Variants in FIGN observed in about 807,000 individuals in gnomAD.
FIGN encodes the protein fidgetin, microtubule severing factor, also known as fidgetin.
A neutral mutation model predicts 51.3 loss-of-function variants in FIGN; 11 were observed. That is an observed-to-expected ratio of 0.21 (90% CI 0.13 to 0.35). FIGN has a LOEUF of 0.35. Ranked by LOEUF, FIGN falls within the 10% of genes least tolerant of loss-of-function variation. FIGN has a pLI of 1.00. For synonymous variants in FIGN, 407 were observed against 363.2 expected, an observed-to-expected ratio of 1.12 and a Z score of -1.37; for missense variants, 857 against 943.6, an observed-to-expected ratio of 0.91 and a Z score of 1.20.
Position 163,610,807 on chromosome 2 carries a change from C to T in FIGN, c.1025G>A (p.Arg342Lys). The T allele has an allele frequency of 6.2e-7, 1 of 1,614,072 alleles. No homozygotes were observed. The highest frequency in any genetic ancestry group is 1.3e-5 in the African/African-American group (1 of 75,014). ...SYGNYSYGQQ[R>K]STQSPMYRMP... ...TCTGTACATAGGACTCTGTGTAGAT[C>T]TCTGTTGGCCATAGCTGTAATTTCC... The change falls in exon 3 of 3, where the codon AGA becomes AAA. Residue 342 changes from arginine (R) to lysine (K), a missense_variant. Physicochemically the swap from Arg to Lys is conservative, Grantham distance 26. Transcript: ENST00000333129.
At chr2:163,723,676 A>G (rs1684795261) in intron 2 of FIGN, among the ~76,000 whole-genome samples, 1 of 152,202 alleles carries the variant, frequency 6.6e-6, no homozygotes, top group Non-Finnish European at 1.5e-5. Flanking sequence ...TCAGTTTGAT[A>G]AAAGTCCACC....
intron 2 of FIGN, among the ~76,000 whole-genome samples, chr2:163,727,158 A>G (rs1684850688): frequency 6.6e-6 from 1 of 152,106 alleles, no homozygotes; most frequent in African/African-American, 2.4e-5. Context: ...TTGGCACAAC[A>G]ATATACTATA....
chr2:163,673,336 T>A (rs1224552812), intron 2 of FIGN, among the ~76,000 whole-genome samples: 2 of 152,144 alleles, frequency 1.3e-5, no homozygotes, highest in Admixed American at 1.3e-4. Context: ...TGTAGTAAGT[T>A]GAATCTGACA....
chr2:163,724,888 A>G (rs577356195), intron 2 of FIGN, among the ~76,000 whole-genome samples: 28 of 152,310 alleles, frequency 1.8e-4, no homozygotes, highest in African/African-American at 6.0e-4. Flanking sequence ...ATAGTGCTAC[A>G]TGCTATTTAC....
In FIGN at chr2:163,610,250, G is replaced by A. The variant is rs768982332; in HGVS notation, c.1582C>T (p.Arg528Trp). 10 of 1,613,930 alleles carry A rather than the reference G, an allele frequency of 6.2e-6. No homozygotes were observed. The highest frequency in any genetic ancestry group is 1.6e-4 in the Middle Eastern group (1 of 6,084). Residue 528 changes from arginine to tryptophan, a missense_variant, in exon 3 of 3, where the codon CGG becomes TGG. Arg to Trp is a moderately radical substitution (Grantham distance 101, BLOSUM62 -3). Transcript: ENST00000333129. The stretch of plus-strand genomic sequence containing the variant: ...CCCAATAATGTTTTGCCTGTCCCCC[G>A]AGGTCCAAATAAAAGGATGCTCCGA... ...LPRSILLFGP[R>W]GTGKTLLGRC...
chr2:163,717,783 A>C (rs1368726317), intron 2 of FIGN, among the ~76,000 whole-genome samples: 2 of 152,166 alleles, frequency 1.3e-5, no homozygotes, highest in Non-Finnish European at 2.9e-5. Context: ...TGTAATTTTT[A>C]ATGAACACTG....
intron 2 of FIGN, among the ~76,000 whole-genome samples, chr2:163,619,641 G>C (rs1312455737): frequency 6.6e-6 from 1 of 152,090 alleles, no homozygotes; most frequent in Non-Finnish European, 1.5e-5. Flanking sequence ...AAAATGGCTT[G>C]CATTTATGAG....
intron 2 of FIGN, among the ~76,000 whole-genome samples, chr2:163,654,741 G>C (rs1240437497): frequency 6.6e-6 from 1 of 151,986 alleles, no homozygotes; most frequent in African/African-American, 2.4e-5. Flanking sequence ...CACAAAGAAA[G>C]GATAATACTA....
chr2:163,627,337 A>G (rs913551710), intron 2 of FIGN, among the ~76,000 whole-genome samples: 1 of 152,154 alleles, frequency 6.6e-6, no homozygotes, highest in African/African-American at 2.4e-5. Flanking sequence ...CTTAATTTGC[A>G]GTTTTAATTT....
intron 2 of FIGN, among the ~76,000 whole-genome samples, chr2:163,629,555 A>T (rs1683111102): frequency 6.6e-6 from 1 of 152,138 alleles, no homozygotes; most frequent in African/African-American, 2.4e-5. Flanking sequence ...GGAAAATCTG[A>T]TCATTATCCA....
intron 2 of FIGN, among the ~76,000 whole-genome samples, chr2:163,647,418 A>G (rs959470850): frequency 1.3e-5 from 2 of 152,208 alleles, no homozygotes; most frequent in Non-Finnish European, 2.9e-5. Context: ...TCATAAAATG[A>G]CAAAAGCAGG....
At chr2:163,645,661 G>C (rs984115511) in intron 2 of FIGN, among the ~76,000 whole-genome samples, 2 of 152,160 alleles carry the variant, frequency 1.3e-5, no homozygotes, top group African/African-American at 4.8e-5. Flanking sequence ...ATGTTTGCAG[G>C]CAAGGGCTTA....
chr2:163,618,589 T>A (rs542471913), intron 2 of FIGN, among the ~76,000 whole-genome samples: 1 of 152,174 alleles, frequency 6.6e-6, no homozygotes, highest in Non-Finnish European at 1.5e-5. Context: ...CACTCGACTT[T>A]ATGTTTTAAA....
intron 2 of FIGN, among the ~76,000 whole-genome samples, chr2:163,712,465 C>T (rs1005256445): frequency 5.3e-5 from 8 of 152,192 alleles, no homozygotes; most frequent in Non-Finnish European, 8.8e-5. Context: ...ATCAATTACT[C>T]TCATTTTCTA....
At chr2:163,670,952 T>G (rs1683865779) in intron 2 of FIGN, among the ~76,000 whole-genome samples, 1 of 152,208 alleles carries the variant, frequency 6.6e-6, no homozygotes, top group Non-Finnish European at 1.5e-5. Flanking sequence ...AAGAATACTG[T>G]TGGTTTGTTT....
chr2:163,723,983 A>G lies in FIGN; in HGVS notation c.25+10920T>C, dbSNP rs533616731. Among the ~76,000 whole-genome samples the G allele has an allele frequency of 1.2e-4, 19 of 152,302 alleles. No individual in the cohort carries two copies. The East Asian group carries it at 3.3e-3, about 26-fold the overall frequency. On this transcript the variant is annotated intron_variant, in intron 2 of 2. Transcript: ENST00000333129. ...CTTAAGAGAAACAAAAATATTTTGC[A>G]TCTTTTAGACGACTAGCAAGGTCCA...
chr2:163,734,967 C>T lies in FIGN; in HGVS notation c.-40G>A. ...ACAAAAAGCTGAATTGGATTTCTCACAAGCAGGAATTCCAAAGGTTGCTTT... is the reference window on the plus strand; with the variant it reads ...ACAAAAAGCTGAATTGGATTTCTCATAAGCAGGAATTCCAAAGGTTGCTTT... On this transcript the variant is annotated 5_prime_UTR_variant, in exon 2 of 3. It adds an upstream start codon to the 5' untranslated region. Coordinates refer to ENST00000333129, the MANE Select transcript of FIGN (RefSeq NM_018086.4). The T allele has an allele frequency of 6.2e-7, 1 of 1,609,510 alleles. No homozygotes were observed. The highest frequency in any genetic ancestry group is 1.1e-5 in the South Asian group (1 of 90,220).
At chr2:163,702,659 T>C (rs1347059281) in intron 2 of FIGN, among the ~76,000 whole-genome samples, 1 of 152,144 alleles carries the variant, frequency 6.6e-6, no homozygotes, top group Admixed American at 6.6e-5. Context: ...GAACATCATA[T>C]GATTAAAAAG....
intron 2 of FIGN, among the ~76,000 whole-genome samples, chr2:163,612,165 AT>A (rs1163108396): frequency 6.6e-6 from 1 of 152,204 alleles, no homozygotes; most frequent in Non-Finnish European, 1.5e-5. Context: ...TCAAATTAGA[AT>A]TCAATCATAG....
Sources: allele counts gnomAD v4.1 joint callset (sites outside exome capture counted in the v4.1 genomes callset), GRCh38; gene constraint gnomAD v4.1.1; transcripts MANE v1.5; gene names NCBI Gene and HGNC (gene_info 2026-07-23, HGNC 2026-07-21).